CPQ: variants seen among roughly 807,000 people sequenced by gnomAD.
CPQ encodes the protein Ser-Met dipeptidase.
A neutral mutation model predicts 45.7 loss-of-function variants in CPQ; 37 were observed. That is an observed-to-expected ratio of 0.81 (90% CI 0.62 to 1.07). The LOEUF (loss-of-function observed/expected upper bound fraction) is 1.07. Ranked by LOEUF, CPQ falls within the 50% of genes least tolerant of loss-of-function variation. CPQ has a pLI of 0.00. For missense variants in CPQ, 537 were observed against 572.9 expected, an observed-to-expected ratio of 0.94 and a Z score of 0.64; for synonymous variants, 186 against 205.8, an observed-to-expected ratio of 0.90 and a Z score of 0.82.
intron 7 of CPQ, among the ~76,000 whole-genome samples, chr8:97,082,794 A>G (rs549634192): frequency 6.6e-6 from 1 of 152,102 alleles, no homozygotes; most frequent in East Asian, 1.9e-4. Context: ...TCCCACTCCC[A>G]CCCCATGGTA....
At chr8:97,035,747 G>A (rs1260586166) in intron 6 of CPQ, among the ~76,000 whole-genome samples, 1 of 151,878 alleles carries the variant, frequency 6.6e-6, no homozygotes, top group Non-Finnish European at 1.5e-5. Flanking sequence ...TCGCTCTGTC[G>A]CCCAGGCTGG....
chr8:97,007,139 G>C (rs1809398424), intron 5 of CPQ, among the ~76,000 whole-genome samples: 1 of 152,134 alleles, frequency 6.6e-6, no homozygotes, highest in Non-Finnish European at 1.5e-5. Context: ...ACTCTAAGCA[G>C]GTCTCCAATA....
chr8:96,911,514 G>T (rs561358032), intron 4 of CPQ, among the ~76,000 whole-genome samples: 71 of 152,284 alleles, frequency 4.7e-4, no homozygotes, highest in African/African-American at 1.7e-3. Flanking sequence ...TGTTATGTCT[G>T]TTTCTTAGAG....
intron 7 of CPQ, among the ~76,000 whole-genome samples, chr8:97,067,900 A>G (rs1810666309): frequency 6.6e-6 from 1 of 152,194 alleles, no homozygotes. Flanking sequence ...TTTGTATGAA[A>G]TTCTAGATTT....
At chr8:97,061,653 G>A (rs1028844333) in intron 6 of CPQ, among the ~76,000 whole-genome samples, 2 of 152,132 alleles carry the variant, frequency 1.3e-5, no homozygotes, top group Non-Finnish European at 2.9e-5. Context: ...TGAGCTGTAA[G>A]ACGTTACACA....
intron 7 of CPQ, among the ~76,000 whole-genome samples, chr8:97,103,658 G>A (rs145307005): frequency 4.6e-4 from 70 of 152,294 alleles, no homozygotes; most frequent in African/African-American, 1.6e-3. Flanking sequence ...AAGATTTGAG[G>A]TAGGACTTTA....
chr8:97,037,460 A>G (rs1170167855), intron 6 of CPQ, among the ~76,000 whole-genome samples: 1 of 152,170 alleles, frequency 6.6e-6, no homozygotes, highest in African/African-American at 2.4e-5. Flanking sequence ...TGTGCAGTAT[A>G]GACGTACTAA....
intron 1 of CPQ, among the ~76,000 whole-genome samples, chr8:96,708,570 T>C (rs1284282293): frequency 1.3e-5 from 2 of 152,088 alleles, no homozygotes; most frequent in African/African-American, 2.4e-5. Context: ...TGATATCTGC[T>C]CCAATCTTCT....
intron 4 of CPQ, among the ~76,000 whole-genome samples, chr8:96,934,893 G>A (rs972430444): frequency 2.0e-5 from 3 of 152,034 alleles, no homozygotes; most frequent in African/African-American, 7.2e-5. Context: ...AGATCATCAC[G>A]GTCTCCCAGT....
At chr8:96,794,051 A>T (rs1810890126) in intron 2 of CPQ, among the ~76,000 whole-genome samples, 1 of 152,114 alleles carries the variant, frequency 6.6e-6, no homozygotes, top group African/African-American at 2.4e-5. Context: ...TGGATCTATC[A>T]TTCTGGGGTC....
chr8:96,934,163 G>T (rs1813014024), intron 4 of CPQ, among the ~76,000 whole-genome samples: 1 of 152,160 alleles, frequency 6.6e-6, no homozygotes, highest in Non-Finnish European at 1.5e-5. Flanking sequence ...GTGCCCTTGG[G>T]CATGTCATGT....
chr8:96,981,064 G>GTTGT (rs1307721482), intron 5 of CPQ, among the ~76,000 whole-genome samples: 1 of 152,106 alleles, frequency 6.6e-6, no homozygotes, highest in East Asian at 1.9e-4. Flanking sequence ...TACAAAATAA[G>GTTGT]TTGTTTGAGA....
intron 2 of CPQ, among the ~76,000 whole-genome samples, chr8:96,820,380 CAT>C (rs1563505131): frequency 6.6e-6 from 1 of 152,000 alleles, no homozygotes; most frequent in African/African-American, 2.4e-5. Context: ...CTAAAATATA[CAT>C]ATATAATTTA....
At chr8:96,814,906 A>G (rs944725080) in intron 2 of CPQ, among the ~76,000 whole-genome samples, 5 of 152,176 alleles carry the variant, frequency 3.3e-5, no homozygotes, top group Non-Finnish European at 7.4e-5. Context: ...ATCACAAAAG[A>G]CCACATTTTA....
chr8:96,979,815 T>A (rs1388172758), intron 5 of CPQ, among the ~76,000 whole-genome samples: 2 of 152,204 alleles, frequency 1.3e-5, no homozygotes, highest in African/African-American at 4.8e-5. Context: ...TGAGGGAAGT[T>A]GATTATTATA....
intron 6 of CPQ, among the ~76,000 whole-genome samples, chr8:97,052,716 A>T (rs987003847): frequency 3.3e-5 from 5 of 152,124 alleles, no homozygotes; most frequent in African/African-American, 4.8e-5. Context: ...CCTGAGAAGG[A>T]GGAGATTTTG....
At chr8:97,072,300 T>G (rs1172670468) in intron 7 of CPQ, among the ~76,000 whole-genome samples, 1 of 152,158 alleles carries the variant, frequency 6.6e-6, no homozygotes, top group Non-Finnish European at 1.5e-5. Flanking sequence ...CTGCAATATC[T>G]GATCATCCCT....
chr8:96,876,790 T>C (rs1282513868), intron 3 of CPQ, among the ~76,000 whole-genome samples: 2 of 152,210 alleles, frequency 1.3e-5, no homozygotes, highest in Non-Finnish European at 2.9e-5. Context: ...TTGTTTGTGG[T>C]ATATAATCCT....
At chr8:97,132,450 C>T (rs997151341) in intron 7 of CPQ, among the ~76,000 whole-genome samples, 2 of 152,160 alleles carry the variant, frequency 1.3e-5, no homozygotes, top group African/African-American at 2.4e-5. Context: ...TTTCTAATTC[C>T]CTTGTTTCTG....
Sources: allele counts gnomAD v4.1 joint callset (sites outside exome capture counted in the v4.1 genomes callset), GRCh38; gene constraint gnomAD v4.1.1; transcripts MANE v1.5; gene names NCBI Gene and HGNC (gene_info 2026-07-23, HGNC 2026-07-21).